DENND5A: variants seen among roughly 807,000 people sequenced by gnomAD.
DENND5A encodes the protein DENN domain containing 5A.
In DENND5A, 64 loss-of-function variants were observed where a neutral mutation model predicts 140.3. That is an observed-to-expected ratio of 0.46 (90% CI 0.37 to 0.56). The LOEUF (loss-of-function observed/expected upper bound fraction) is 0.56, where lower values mean the gene tolerates loss of function less well. DENND5A is among the 20% of genes least tolerant of loss of function. The pLI is 0.00. For synonymous variants in DENND5A, 605 were observed against 607.7 expected (o/e 1.00, Z 0.07); for missense variants, 1,292 against 1,593.8 (o/e 0.81, Z 3.22).
rs575193622 is a variant in DENND5A at position 9,254,210 on chromosome 11, C to T, written c.109+10751G>A. Among the ~76,000 whole-genome samples, 9 of 149,538 alleles carry T rather than the reference C, an allele frequency of 6.0e-5. No individual in the cohort carries two copies. The South Asian group carries it at 1.1e-3, about 18-fold the overall frequency. On this transcript the variant is annotated intron_variant, in intron 1 of 22. Transcript: ENST00000328194. Reference sequence around the variant, plus strand: ...GTGTGGTGGCACTTGCCTGTAGTCCCAAGTACTCAAGAGGCTAAGGTAGGA... The same window carrying T: ...GTGTGGTGGCACTTGCCTGTAGTCCTAAGTACTCAAGAGGCTAAGGTAGGA...
Position 9,139,030 on chromosome 11 carries a change from A to C in DENND5A, c.*641T>G, listed in dbSNP as rs1847142211. 3 of 151,368 alleles carry C rather than the reference A, an allele frequency of 2.0e-5. No individual in the cohort carries two copies. The South Asian group carries it at 6.3e-4, about 32-fold the overall frequency. The allele number at this position is 151,368 out of a possible 1,614,324, so 9.4% of individuals were successfully genotyped here. A position where few individuals can be genotyped will look rare whatever the true frequency, so the allele number is the denominator to read the frequency against. On this transcript the variant is annotated 3_prime_UTR_variant, in exon 23 of 23. Transcript: ENST00000328194. Reference sequence around the variant, plus strand: ...GAAAAAAGAAAAGAAAAACCTGTTAAAACATGCTTATGTTTACTTCTGTGA... The same window carrying C: ...GAAAAAAGAAAAGAAAAACCTGTTACAACATGCTTATGTTTACTTCTGTGA...
chr11:9,179,198 A>G, intron 6 of DENND5A, 125 bp from the exon 7 acceptor site: 1 of 765,942 alleles, frequency 1.3e-6, no homozygotes, highest in Non-Finnish European at 2.1e-6. Flanking sequence ...GGAAATGATG[A>G]GAACAAAAGA....
Position 9,139,037 on chromosome 11 carries a change from C to T in DENND5A, c.*634G>A, listed in dbSNP as rs1032006202. On this transcript the variant is annotated 3_prime_UTR_variant, in exon 23 of 23. Transcript: ENST00000328194. ...GAAAAGAAAAACCTGTTAAAACATG[C>T]TTATGTTTACTTCTGTGAAACTGTG... 1 of 150,762 alleles carries T rather than the reference C, an allele frequency of 6.6e-6. No individual in the cohort carries two copies. The highest frequency in any genetic ancestry group is 2.4e-5 in the African/African-American group (1 of 40,878). The allele number at this position is 150,762 out of a possible 1,614,324, so 9.3% of individuals were successfully genotyped here. A position where few individuals can be genotyped will look rare whatever the true frequency, so the allele number is the denominator to read the frequency against.
At chr11:9,173,598 TC>T (rs1037847937) in intron 8 of DENND5A, among the ~76,000 whole-genome samples, 1 of 152,144 alleles carries the variant, frequency 6.6e-6, no homozygotes, top group African/African-American at 2.4e-5. Context: ...CAGGCAACCC[TC>T]CCCCTTCAGC....
intron 8 of DENND5A, among the ~76,000 whole-genome samples, chr11:9,173,340 G>A (rs1590232180): frequency 6.6e-6 from 1 of 152,302 alleles, no homozygotes; most frequent in East Asian, 1.9e-4. Context: ...CACCAGAAAT[G>A]CTAACTACAC....
chr11:9,210,760 T>C (rs536882494), intron 1 of DENND5A, among the ~76,000 whole-genome samples: 9 of 152,332 alleles, frequency 5.9e-5, no homozygotes, highest in Admixed American at 1.3e-4. Flanking sequence ...CTCAAATTCC[T>C]GGGCTTACGC....
At chr11:9,192,422 T>A (rs954875929) in intron 5 of DENND5A, among the ~76,000 whole-genome samples, 5 of 152,058 alleles carry the variant, frequency 3.3e-5, no homozygotes, top group South Asian at 2.1e-4. Context: ...AGGTCAGGCG[T>A]TCGAGACCAG....
chr11:9,169,151 T>C (rs1281335486), intron 10 of DENND5A, among the ~76,000 whole-genome samples: 5 of 152,168 alleles, frequency 3.3e-5, no homozygotes, highest in African/African-American at 1.2e-4. Context: ...TCTAACAAAA[T>C]TAACTTCTTT....
chr11:9,224,855 C>A (rs1432461182), intron 1 of DENND5A, among the ~76,000 whole-genome samples: 2 of 141,038 alleles, frequency 1.4e-5, no homozygotes, highest in African/African-American at 5.2e-5. Context: ...AAGACTCCAT[C>A]CAAAAAAAAA....
chr11:9,212,142 T>C (rs1021730285), intron 1 of DENND5A, among the ~76,000 whole-genome samples: 1 of 152,030 alleles, frequency 6.6e-6, no homozygotes, highest in Non-Finnish European at 1.5e-5. Context: ...CTCAGCACTT[T>C]GGGAGGCCAA....
At chr11:9,250,993 G>T (rs1007353169) in intron 1 of DENND5A, among the ~76,000 whole-genome samples, 3 of 151,968 alleles carry the variant, frequency 2.0e-5, no homozygotes, top group African/African-American at 7.2e-5. Context: ...AAATTAGCTG[G>T]GCATGGTGGC....
chr11:9,237,558 G>C (rs1851053992), intron 1 of DENND5A, among the ~76,000 whole-genome samples: 1 of 152,118 alleles, frequency 6.6e-6, no homozygotes, highest in Non-Finnish European at 1.5e-5. Flanking sequence ...TTTAAGGAAA[G>C]TAATTTAGCA....
In DENND5A at chr11:9,144,230, C is replaced by G. The variant is rs1461341451; in HGVS notation, c.3171G>C (p.Leu1057=). ...GCAGCTCCCCAACTAGGATCCGCTC[C>G]AGGCTTCCATCATCCATGCCCTTCC... The part of the protein sequence containing the change: ...WLGKGMDDGS[L]ERILVGELLT... The change falls in exon 19 of 23, where the codon CTG becomes CTC. Residue 1057 remains leucine, a synonymous_variant. Coordinates refer to ENST00000328194, the MANE Select transcript of DENND5A (RefSeq NM_015213.4). The G allele has an allele frequency of 3.1e-6, 5 of 1,614,190 alleles. No homozygotes were observed. Among genetic ancestry groups the G allele is most frequent in the Non-Finnish European group, 4.2e-6 (5 of 1,180,024 alleles).
At chr11:9,251,517 C>G (rs1194510825) in intron 1 of DENND5A, among the ~76,000 whole-genome samples, 3 of 152,130 alleles carry the variant, frequency 2.0e-5, no homozygotes, top group African/African-American at 7.2e-5. Flanking sequence ...CATATCTGAT[C>G]CCCTGAAGGC....
chr11:9,246,161 A>G (rs766650774), intron 1 of DENND5A, among the ~76,000 whole-genome samples: 2 of 152,160 alleles, frequency 1.3e-5, no homozygotes, highest in Non-Finnish European at 2.9e-5. Flanking sequence ...CCTGTTAAAC[A>G]AGACAGTAGC....
intron 1 of DENND5A, 120 bp from the exon 2 acceptor site, chr11:9,207,752 G>A (rs1590277016): frequency 3.0e-6 from 2 of 676,726 alleles, no homozygotes; most frequent in Non-Finnish European, 2.5e-6. Context: ...ATACATGTAT[G>A]TGTATACATA....
chr11:9,152,297 C>T (rs779313303), intron 13 of DENND5A, 61 bp downstream of exon 13: 53 of 1,251,752 alleles, frequency 4.2e-5, no homozygotes, highest in Admixed American at 2.0e-4. Flanking sequence ...AAAGTGATCA[C>T]GCCAGTGGGT....
chr11:9,185,759 G>C (rs1848890791), intron 5 of DENND5A, among the ~76,000 whole-genome samples: 7 of 152,046 alleles, frequency 4.6e-5, no homozygotes, highest in African/African-American at 1.7e-4. Context: ...TCCTGTATGT[G>C]TGGTCTGCGT....
intron 1 of DENND5A, among the ~76,000 whole-genome samples, chr11:9,236,554 A>G (rs1851013002): frequency 6.6e-6 from 1 of 151,768 alleles, no homozygotes; most frequent in African/African-American, 2.4e-5. Flanking sequence ...GAAAAAAAAA[A>G]GAAATATTTA....
Sources: allele counts gnomAD v4.1 joint callset (sites outside exome capture counted in the v4.1 genomes callset), GRCh38; gene constraint gnomAD v4.1.1; transcripts MANE v1.5; gene names NCBI Gene and HGNC (gene_info 2026-07-23, HGNC 2026-07-21).